The following TES variants were observed in gnomAD, a reference collection of about 807,000 sequenced individuals.
TES encodes testin.
TES carries 41 observed loss-of-function variants against 48.2 expected under a neutral mutation model. That is an observed-to-expected ratio of 0.85 (90% confidence interval 0.66 to 1.10). The LOEUF is 1.10. TES is among the 50% of genes least tolerant of loss of function. The probability of loss-of-function intolerance (pLI) is 0.00; values close to 1 mark genes in which losing one functional copy is unlikely to be tolerated. For missense variants in TES, 463 were observed against 515.1 expected (o/e 0.90, Z 0.98); for synonymous variants, 162 against 174.9 (o/e 0.93, Z 0.58).
chr7:116,250,047 T>C, intron 3 of TES, 114 bp from the exon 4 acceptor site: 1 of 772,358 alleles, frequency 1.3e-6, no homozygotes, highest in Non-Finnish European at 1.9e-6. Context: ...GGTGAGTTGC[T>C]GCTATTGGAT....
intron 2 of TES, 46 bp downstream of exon 2, chr7:116,234,665 G>A (rs1225216298): frequency 2.0e-6 from 3 of 1,495,798 alleles, no homozygotes; most frequent in African/African-American, 2.8e-5. Flanking sequence ...TATACTTTTT[G>A]CAATACTTCC....
chr7:116,240,672 T>G (rs1799834611), intron 2 of TES, among the ~76,000 whole-genome samples: 1 of 152,190 alleles, frequency 6.6e-6, no homozygotes. Flanking sequence ...TAAACTAACT[T>G]AATTCTGAAT....
chr7:116,247,531 A>G (rs1799943277), intron 2 of TES, among the ~76,000 whole-genome samples: 2 of 151,972 alleles, frequency 1.3e-5, no homozygotes. Flanking sequence ...TAATGGTACA[A>G]TTGAAGATGT....
intron 1 of TES, among the ~76,000 whole-genome samples, chr7:116,232,550 AAAG>A (rs1332431247): frequency 7.5e-6 from 1 of 133,038 alleles, no homozygotes; most frequent in African/African-American, 3.0e-5. Context: ...AGGGCCTGAA[AAAG>A]AAAACTTTTT....
Position 116,249,101 on chromosome 7 carries a change from A to G in TES, c.195A>G (p.Lys65=). 1 of 1,614,052 alleles carries G rather than the reference A, an allele frequency of 6.2e-7. No homozygotes were observed. The highest frequency in any genetic ancestry group is 8.5e-7 in the Non-Finnish European group (1 of 1,179,964). ...ATGAAGAGGATCGAAAAGTGGGAAA[A>G]CTTTTTGAAGACACCAAGTATACCA... ...LSNEEDRKVG[K]LFEDTKYTTL... The change falls in exon 3 of 7, where the codon AAA becomes AAG. Residue 65 remains lysine (K), a synonymous_variant. Transcript: ENST00000358204.
intron 6 of TES, among the ~76,000 whole-genome samples, chr7:116,254,748 ATAT>A (rs775426615): frequency 9.6e-5 from 10 of 104,394 alleles, no homozygotes; most frequent in African/African-American, 3.8e-4. Flanking sequence ...CTCAAAAAAA[ATAT>A]ATATATATGT....
At position 116,257,542 on chromosome 7, in the gene TES, T is replaced by C; in HGVS notation, c.*60T>C. On this transcript the variant is annotated 3_prime_UTR_variant, in exon 7 of 7. Coordinates refer to ENST00000358204, the MANE Select transcript of TES (RefSeq NM_015641.4). ...TCCAAAGTGGTCTGCATTTCTACTG[T>C]AAAATGCAATTTGAAAAAAATAAAA... 8.1e-7 allele frequency: 1 copy of C among 1,232,788 alleles called. No homozygotes were observed. The highest frequency in any genetic ancestry group is 1.1e-6 in the Non-Finnish European group (1 of 949,026). 76.4% of individuals were successfully genotyped at this position (1,232,788 alleles called of 1,614,324 possible).
intron 2 of TES, among the ~76,000 whole-genome samples, chr7:116,236,312 G>A (rs1016511930): frequency 6.6e-6 from 1 of 152,120 alleles, no homozygotes; most frequent in Non-Finnish European, 1.5e-5. Context: ...GTGTCAACAC[G>A]ATGCCACAAG....
In TES at chr7:116,257,703, G is replaced by T. The variant is rs960592783; in HGVS notation, c.*221G>T. 10 of 406,056 alleles carry T rather than the reference G, an allele frequency of 2.5e-5. No individual in the cohort carries two copies. Among genetic ancestry groups the T allele is most frequent in the Admixed American group, 8.4e-5 (2 of 23,888 alleles). The allele number at this position is 406,056 out of a possible 1,614,324, so 25.2% of individuals were successfully genotyped here. On this transcript the variant is annotated 3_prime_UTR_variant, in exon 7 of 7. Coordinates refer to ENST00000358204, the MANE Select transcript of TES (RefSeq NM_015641.4). ...TTGATTTGTAAAACAGTAAATAATT[G>T]TATCTTTCCATAGCTTTTCAAATGT...
chr7:116,253,494 A>G (rs1391371197), intron 6 of TES, among the ~76,000 whole-genome samples: 1 of 152,118 alleles, frequency 6.6e-6, no homozygotes, highest in Non-Finnish European at 1.5e-5. Context: ...CATCTTGCTC[A>G]AAAGCTACCC....
intron 3 of TES, 102 bp downstream of exon 3, chr7:116,249,374 G>T (rs772805639): frequency 3.0e-5 from 41 of 1,359,614 alleles, no homozygotes; most frequent in Non-Finnish European, 4.1e-5. Context: ...TCCCAGATCT[G>T]TTATTCTTCC....
rs371361158 is a variant in TES, at chr7:116,249,116, C to T, written c.210C>T (p.Thr70=). The T allele has an allele frequency of 2.0e-5, 33 of 1,613,808 alleles. No individual in the cohort carries two copies. Among genetic ancestry groups the T allele is most frequent in the Non-Finnish European group, 2.6e-5 (31 of 1,179,952 alleles). ...DRKVGKLFED[T]KYTTLIAKLK... is the part of the protein sequence containing the mutation. The stretch of plus-strand genomic sequence containing the variant: ...AAGTGGGAAAACTTTTTGAAGACAC[C>T]AAGTATACCACTCTGATTGCAAAAC... Residue 70 remains threonine (T), a synonymous_variant, in exon 3 of 7, where the codon ACC becomes ACT. Transcript: ENST00000358204.
chr7:116,210,670 CG>C lies in TES; in HGVS notation c.-36del. ...CCAGCTGAACCCGGCCGTGGGATCC[CG>C]GATAGGAGGAGGAGGGGACCCATAG... On this transcript the variant is annotated 5_prime_UTR_variant, in exon 1 of 7. Transcript: ENST00000358204. 7.7e-7 allele frequency: 1 copy of C among 1,305,456 alleles called. No individual in the cohort carries two copies. Among genetic ancestry groups the C allele is most frequent in the South Asian group, 2.4e-5 (1 of 41,208 alleles). The allele number at this position is 1,305,456 out of a possible 1,614,324, so 80.9% of individuals were successfully genotyped here. A position where few individuals can be genotyped will look rare whatever the true frequency, so the allele number is the denominator to read the frequency against.
At position 116,245,832 on chromosome 7, in the gene TES, A is replaced by C. The variant is rs558137265; in HGVS notation, c.114-3188A>C. On this transcript the variant is annotated intron_variant, in intron 2 of 6. Coordinates refer to ENST00000358204, the MANE Select transcript of TES (RefSeq NM_015641.4). ...TCAGCATGGCTGAGGAGGCCTCAGG[A>C]AACTTACAAACATGGTGGAACGCAA... 9.2e-5 allele frequency among the ~76,000 whole-genome samples: 14 copies of C among 152,316 alleles called. No individual in the cohort carries two copies. In the East Asian group the frequency reaches 2.7e-3, roughly 29 times the overall value.
At chr7:116,235,689 T>C (rs1402030896) in intron 2 of TES, among the ~76,000 whole-genome samples, 2 of 152,024 alleles carry the variant, frequency 1.3e-5, no homozygotes, top group African/African-American at 4.8e-5. Context: ...GAAAAAAAAA[T>C]AAAGATAACT....
intron 6 of TES, among the ~76,000 whole-genome samples, chr7:116,253,838 TGGTGTGTGTGTG>T (rs1287116203): frequency 3.3e-5 from 5 of 151,930 alleles, no homozygotes; most frequent in African/African-American, 4.8e-5. Context: ...ATGTTCCCAA[TGGTGTGTGTGTG>T]GGTGGGTGTG....
At chr7:116,242,243 G>A (rs965785652) in intron 2 of TES, among the ~76,000 whole-genome samples, 3 of 152,028 alleles carry the variant, frequency 2.0e-5, no homozygotes, top group African/African-American at 7.2e-5. Flanking sequence ...CCCTCAGGAA[G>A]GTATAATTTT....
chr7:116,229,457 T>C (rs1360517750), intron 1 of TES, among the ~76,000 whole-genome samples: 1 of 151,964 alleles, frequency 6.6e-6, no homozygotes, highest in Non-Finnish European at 1.5e-5. Context: ...GAATACAAAG[T>C]GAATAATGGA....
Position 116,210,575 on chromosome 7 carries a change from C to G in TES, c.-133C>G, listed in dbSNP as rs946931197. ...CTGGGCGGCGGAAGTTCGACGGCGC[C>G]GGGCGAGTGGCTGTTGAGCGGCGCC... On this transcript the variant is annotated 5_prime_UTR_variant, in exon 1 of 7. Transcript: ENST00000358204. The G allele has an allele frequency of 4.8e-6, 5 of 1,031,264 alleles. No homozygotes were observed. Among genetic ancestry groups the G allele is most frequent in the African/African-American group, 1.7e-5 (1 of 59,350 alleles). 63.9% of individuals were successfully genotyped at this position (1,031,264 alleles called of 1,614,324 possible). A position where few individuals can be genotyped will look rare whatever the true frequency, so the allele number is the denominator to read the frequency against.
Sources: gnomAD v4.1 joint callset for allele counts (sites outside exome capture counted in the v4.1 genomes callset) on GRCh38, gnomAD v4.1.1 for gene constraint, MANE v1.5 for transcripts, NCBI Gene and HGNC (gene_info 2026-07-23, HGNC 2026-07-21) for gene names.